The following GLB1L2 variants were observed in gnomAD, a reference collection of about 807,000 sequenced individuals.
GLB1L2 encodes beta-galactosidase-1-like protein 2.
GLB1L2 carries 68 observed loss-of-function variants against 84.1 expected under a neutral mutation model. The observed-to-expected ratio is 0.81, with a 90% confidence interval of 0.67 to 0.99. GLB1L2 has a LOEUF of 0.99. Among genes scored for constraint, GLB1L2 ranks in the 50% least tolerant of loss-of-function variants. The pLI is 0.00. For missense variants in GLB1L2, 762 were observed against 805.6 expected (o/e 0.95, Z 0.66); for synonymous variants, 290 against 318.0 (o/e 0.91, Z 0.94).
chr11:134,374,913 C>A (rs1267481572), intron 18 of GLB1L2, 59 bp from the exon 19 acceptor site: 3 of 1,526,392 alleles, frequency 2.0e-6, no homozygotes, highest in East Asian at 2.3e-5. Flanking sequence ...CCTCTCAGCA[C>A]CTCCCCTGGC....
chr11:134,354,165 A>C (rs1341113546), intron 5 of GLB1L2, among the ~76,000 whole-genome samples: 1 of 151,958 alleles, frequency 6.6e-6, no homozygotes. Context: ...TTATAGTGAC[A>C]CTTTTTTATA....
intron 1 of GLB1L2, among the ~76,000 whole-genome samples, chr11:134,341,708 A>T (rs1209743174): frequency 6.6e-6 from 1 of 152,140 alleles, no homozygotes; most frequent in East Asian, 1.9e-4. Flanking sequence ...TTTGCCTGAG[A>T]GTGGCCCCAG....
In GLB1L2 at chr11:134,334,040, GAGT is replaced by G. The variant is rs1340402662; in HGVS notation, c.86+1895_86+1897del. On this transcript the variant is annotated intron_variant, in intron 1 of 18. Coordinates refer to ENST00000535456, the MANE Select transcript of GLB1L2 (RefSeq NM_001370461.1). This position sits in a 1 kb window ranked among gnomAD's most constrained non-coding sequence, Gnocchi z 4.1. ...TGTCTGACTTGGGCTGGACACCAGT[GAGT>G]ATGAGTTGCTGTAATATCTCTGGAG... Among the ~76,000 whole-genome samples the G allele has an allele frequency of 6.6e-6, 1 of 152,144 alleles. No homozygotes were observed.
chr11:134,347,061 G>A (rs1331112639), intron 4 of GLB1L2: 7 of 440,410 alleles, frequency 1.6e-5, no homozygotes, highest in Non-Finnish European at 2.5e-5. Context: ...CTCACTGCTG[G>A]CAGCCAGGCC....
intron 8 of GLB1L2, chr11:134,364,776 A>G (rs775695794): frequency 7.0e-5 from 13 of 186,654 alleles, no homozygotes; most frequent in Non-Finnish European, 1.2e-4. Context: ...AGGCCCCTGC[A>G]ATCCTAGAAA....
intron 3 of GLB1L2, among the ~76,000 whole-genome samples, chr11:134,344,699 G>A (rs977279317): frequency 2.0e-5 from 3 of 152,276 alleles, no homozygotes; most frequent in African/African-American, 7.2e-5. Flanking sequence ...AGAAGACCCT[G>A]GGAGCCGCCC....
At chr11:134,344,835 C>T (rs909909397) in intron 3 of GLB1L2, among the ~76,000 whole-genome samples, 199 bp from the exon 4 acceptor site, 5 of 152,240 alleles carry the variant, frequency 3.3e-5, no homozygotes, top group Non-Finnish European at 1.5e-5. Flanking sequence ...CTCAGGCCCC[C>T]GATGGGGCTG....
At position 134,357,662 on chromosome 11, in the gene GLB1L2, T is replaced by C. The variant is rs530999891; in HGVS notation, c.651+1269T>C. On this transcript the variant is annotated intron_variant, in intron 6 of 18. Coordinates refer to ENST00000535456, the MANE Select transcript of GLB1L2 (RefSeq NM_001370461.1). ...CCTCAGGGACGTCCTGCTCCACTCA[T>C]GCTTCCCTGGTGTCGGGGCGGAGGC... Among the ~76,000 whole-genome samples, 302 of 152,344 alleles carry C rather than the reference T, an allele frequency of 2.0e-3. 1 individual carries two copies. Among genetic ancestry groups the C allele is most frequent in the African/African-American group, 7.0e-3 (291 of 41,584 alleles).
intron 4 of GLB1L2, 29 bp from the exon 5 acceptor site, chr11:134,347,296 T>A: frequency 6.4e-7 from 1 of 1,550,810 alleles, no homozygotes. Flanking sequence ...GACACTAACA[T>A]CCTTCCTTTC....
chr11:134,345,068 T>C lies in GLB1L2; in HGVS notation c.388T>C (p.Trp130Arg), dbSNP rs1943534534. The C allele has an allele frequency of 6.2e-7, 1 of 1,613,572 alleles. No homozygotes were observed. The highest frequency in any genetic ancestry group is 1.7e-5 in the Admixed American group (1 of 59,998). Residue 130 changes from tryptophan (W) to arginine (R), a missense_variant, in exon 4 of 19, where the codon TGG becomes CGG. Coordinates refer to ENST00000535456, the MANE Select transcript of GLB1L2 (RefSeq NM_001370461.1). Reference sequence around the variant, plus strand: ...CCTGATGGCCGCAGAGATCGGGCTGTGGGTGATTCTGCGTCCAGGCCCCTA... The same window carrying C: ...CCTGATGGCCGCAGAGATCGGGCTGCGGGTGATTCTGCGTCCAGGCCCCTA... ...FVLMAAEIGLWVILRPGPYIC... is the reference protein window; with the variant it reads ...FVLMAAEIGLRVILRPGPYIC...
At chr11:134,357,229 C>T (rs1194244787) in intron 6 of GLB1L2, among the ~76,000 whole-genome samples, 1 of 152,236 alleles carries the variant, frequency 6.6e-6, no homozygotes, top group African/African-American at 2.4e-5. Flanking sequence ...GGGCAGCATC[C>T]CTTCTGCTAC....
rs1943945057 is a variant in GLB1L2 at position 134,371,013 on chromosome 11, C to A, written c.1221C>A (p.Ile407=). The A allele has an allele frequency of 1.2e-6, 2 of 1,613,974 alleles. No individual in the cohort carries two copies. Among genetic ancestry groups the A allele is most frequent in the Non-Finnish European group, 1.7e-6 (2 of 1,180,006 alleles). Residue 407 remains isoleucine, a synonymous_variant, in exon 13 of 19, where the codon ATC becomes ATA. Coordinates refer to ENST00000535456, the MANE Select transcript of GLB1L2 (RefSeq NM_001370461.1). ...WDALKYLGEP[I]KSEKPINMEN... The stretch of plus-strand genomic sequence containing the variant: ...TCCATCTCTTCTGTACGCAGCCAAT[C>A]AAGTCTGAAAAGCCCATCAACATGG...
Position 134,345,108 on chromosome 11 carries a change from TGGACCTC to T in GLB1L2, c.431_437del (p.Asp144GlyfsTer13). The T allele has an allele frequency of 3.7e-6, 6 of 1,612,968 alleles. No homozygotes were observed. The highest frequency in any genetic ancestry group is 5.1e-6 in the Non-Finnish European group (6 of 1,179,238). ...CCAGGCCCCTACATCTGCAGTGAGA[TGGACCTC>T]GGGGGCTTGCCCAGGTAAGCGGGGT... On this transcript the variant is annotated frameshift_variant, in exon 4 of 19. Coordinates refer to ENST00000535456, the MANE Select transcript of GLB1L2 (RefSeq NM_001370461.1). LOFTEE classifies it high-confidence loss of function.
Position 134,364,360 on chromosome 11 carries a change from G to A in GLB1L2, c.766G>A (p.Glu256Lys), listed in dbSNP as rs759671556. ...CACCATCAACTTGCAGTCAACACAC[G>A]AGCTGCAGCTACTGACCACCTTTCT... is the stretch of plus-strand genomic sequence containing the variant. The part of the protein sequence containing the change: ...LATINLQSTH[E>K]LQLLTTFLFN... Residue 256 changes from glutamate to lysine, a missense_variant, in exon 8 of 19, where the codon GAG becomes AAG. This residue lies in a region of GLB1L2 where 603 missense variants were observed against 611.7 expected (regional missense o/e 0.99). Coordinates refer to ENST00000535456, the MANE Select transcript of GLB1L2 (RefSeq NM_001370461.1). 1.3e-5 allele frequency: 21 copies of A among 1,613,976 alleles called. No homozygotes were observed. The highest frequency in any genetic ancestry group is 2.2e-5 in the East Asian group (1 of 44,880).
In GLB1L2 at chr11:134,369,849, T is replaced by A. The variant is rs760999853; in HGVS notation, c.1072T>A (p.Tyr358Asn). The change falls in exon 11 of 19, where the codon TAC becomes AAC. Residue 358 changes from tyrosine (Y) to asparagine (N), a missense_variant. By Grantham distance (143) the Tyr-to-Asn change is moderately radical (BLOSUM62 -2). This residue lies in a region of GLB1L2 where 603 missense variants were observed against 611.7 expected (regional missense o/e 0.99). Coordinates refer to ENST00000535456, the MANE Select transcript of GLB1L2 (RefSeq NM_001370461.1). The part of the protein sequence containing the change: ...LTEAGDYTAK[Y>N]MKLRDFFGSI... The stretch of plus-strand genomic sequence containing the variant: ...AGAAGCCGGCGATTACACGGCCAAG[T>A]ACATGAAGCTTCGAGACTTCTTCGG... The A allele has an allele frequency of 1.7e-5, 27 of 1,613,764 alleles. 1 individual carries two copies. In the South Asian group the frequency reaches 2.9e-4, roughly 17 times the overall value.
chr11:134,364,343 A>G lies in GLB1L2; in HGVS notation c.749A>G (p.Asn250Ser). The change falls in exon 8 of 19, where the codon AAC (asparagine) becomes AGC (serine). Residue 250 changes from asparagine to serine, a missense_variant. Physicochemically the swap from Asn to Ser is conservative, Grantham distance 46. Around this residue, in one of 3 missense-constraint regions of GLB1L2, gnomAD observed 603 missense variants for 611.7 expected, o/e 0.99. Transcript: ENST00000535456. ...CCTTTAACAGTCTTGGCCACCATCAACTTGCAGTCAACACACGAGCTGCAG... is the reference window on the plus strand; with the variant it reads ...CCTTTAACAGTCTTGGCCACCATCAGCTTGCAGTCAACACACGAGCTGCAG... ...GIVQGVLATI[N>S]LQSTHELQLL... The G allele has an allele frequency of 6.2e-7, 1 of 1,613,912 alleles. No individual in the cohort carries two copies. The highest frequency in any genetic ancestry group is 8.5e-7 in the Non-Finnish European group (1 of 1,179,850).
chr11:134,362,755 C>T (rs1443102496), intron 7 of GLB1L2, among the ~76,000 whole-genome samples: 3 of 152,218 alleles, frequency 2.0e-5, no homozygotes, highest in East Asian at 1.9e-4. Context: ...GGCAGGATGG[C>T]CCCCGAGGAG....
chr11:134,370,356 T>A lies in GLB1L2; in HGVS notation c.1172T>A (p.Val391Asp). The change falls in exon 12 of 19, where the codon GTC becomes GAC. Residue 391 changes from valine to aspartate, a missense_variant. By Grantham distance (152) the Val-to-Asp change is radical. Around this residue, in one of 3 missense-constraint regions of GLB1L2, gnomAD observed 603 missense variants for 611.7 expected, o/e 0.99. Transcript: ENST00000535456. This position sits in a 1 kb window ranked among gnomAD's most constrained non-coding sequence, Gnocchi z 4.7. ...ATGCCGTATGAGCCCTTAACGCCAG[T>A]CTTGTACCTGTCTCTGTGGGACGCC... Reference protein sequence around the residue: ...PKMPYEPLTPVLYLSLWDALK... With the variant: ...PKMPYEPLTPDLYLSLWDALK... The A allele has an allele frequency of 6.2e-7, 1 of 1,613,786 alleles. No homozygotes were observed. The highest frequency in any genetic ancestry group is 8.5e-7 in the Non-Finnish European group (1 of 1,179,934).
At chr11:134,363,500 G>T (rs545863526) in intron 7 of GLB1L2, among the ~76,000 whole-genome samples, 1 of 152,216 alleles carries the variant, frequency 6.6e-6, no homozygotes, top group Non-Finnish European at 1.5e-5. Flanking sequence ...TGGGGTGGGC[G>T]TGGGCATGCC....
Sources: allele counts gnomAD v4.1 joint callset (sites outside exome capture counted in the v4.1 genomes callset), GRCh38; gene constraint gnomAD v4.1.1; regional missense constraint gnomAD v4.1.1; non-coding constraint Gnocchi (gnomAD v3.1); transcripts MANE v1.5; gene names NCBI Gene and HGNC (gene_info 2026-07-23, HGNC 2026-07-21).